Variants in RARB observed in about 807,000 individuals in gnomAD.
The protein encoded by RARB is retinoic acid receptor beta.
A neutral mutation model predicts 51.9 loss-of-function variants in RARB; 17 were observed. That is an observed-to-expected ratio of 0.33 (90% CI 0.22 to 0.49). The LOEUF is 0.49. RARB is among the 20% of genes least tolerant of loss of function. The probability of loss-of-function intolerance (pLI) is 0.99; values close to 1 mark genes in which losing one functional copy is unlikely to be tolerated. For synonymous variants in RARB, 215 were observed against 195.4 expected (o/e 1.10, Z -0.84); for missense variants, 369 against 550.8 (o/e 0.67, Z 3.30).
intron 2 of RARB, among the ~76,000 whole-genome samples, chr3:24,942,463 G>T (rs945459873): frequency 6.6e-6 from 1 of 152,170 alleles, no homozygotes; most frequent in African/African-American, 2.4e-5. Context: ...TCGGTGTTAA[G>T]AGTCAACAAG....
intron 5 of RARB, among the ~76,000 whole-genome samples, chr3:25,202,840 GTGC>G (rs1290767452): frequency 3.9e-5 from 6 of 152,204 alleles, no homozygotes; most frequent in Non-Finnish European, 2.9e-5. Context: ...TTGCTGAGGA[GTGC>G]TTTCCTTCCA....
At chr3:25,292,909 G>C (rs951911255) in intron 5 of RARB, among the ~76,000 whole-genome samples, 1 of 152,194 alleles carries the variant, frequency 6.6e-6, no homozygotes, top group Non-Finnish European at 1.5e-5. Flanking sequence ...TTTGGGGTCT[G>C]TGAAACTGAA....
chr3:25,215,971 G>T (rs567124250), intron 5 of RARB, among the ~76,000 whole-genome samples: 1 of 152,296 alleles, frequency 6.6e-6, no homozygotes, highest in Non-Finnish European at 1.5e-5. Flanking sequence ...GGTTTTAAAA[G>T]AAATTCTTCC....
At chr3:24,948,524 C>G (rs570602251) in intron 2 of RARB, among the ~76,000 whole-genome samples, 50 of 152,162 alleles carry the variant, frequency 3.3e-4, no homozygotes, top group Non-Finnish European at 6.3e-4. Context: ...GACTGAAAGA[C>G]AATTGAAGAG....
intron 5 of RARB, among the ~76,000 whole-genome samples, chr3:25,584,603 T>TGAGTGTGCCTGGAAGG (rs1401884083): frequency 6.6e-6 from 1 of 151,916 alleles, no homozygotes; most frequent in African/African-American, 2.4e-5. Flanking sequence ...TTGGAGGAAG[T>TGAGTGTGCCTGGAAGG]GAGTGTGCCT....
At chr3:25,215,905 C>G (rs1300706849) in intron 5 of RARB, among the ~76,000 whole-genome samples, 1 of 152,156 alleles carries the variant, frequency 6.6e-6, no homozygotes, top group Non-Finnish European at 1.5e-5. Flanking sequence ...TCATACCAAA[C>G]TGAAACTGGC....
rs996481903 is a variant in RARB at position 25,428,384 on chromosome 3, T to C, written c.-348T>C. The C allele has an allele frequency of 1.6e-5, 20 of 1,249,966 alleles. No individual in the cohort carries two copies. The highest frequency in any genetic ancestry group is 1.9e-5 in the Non-Finnish European group (19 of 998,554). 77.4% of individuals were successfully genotyped at this position (1,249,966 alleles called of 1,614,324 possible). ...ACTGGGATGCCGAGAACGCGAGCGATCCGAGCAGGGTTTGTCTGGGCACCG... is the reference window on the plus strand; with the variant it reads ...ACTGGGATGCCGAGAACGCGAGCGACCCGAGCAGGGTTTGTCTGGGCACCG... On this transcript the variant is annotated 5_prime_UTR_variant, in exon 1 of 8. Transcript: ENST00000330688.
At chr3:24,841,396 T>C (rs562804069) in intron 1 of RARB, among the ~76,000 whole-genome samples, 67 of 152,354 alleles carry the variant, frequency 4.4e-4, no homozygotes, top group Middle Eastern at 3.4e-3. Flanking sequence ...GCTGCTTAGA[T>C]GTAACCATTA....
At chr3:25,166,570 A>G (rs1700565118) in intron 4 of RARB, among the ~76,000 whole-genome samples, 1 of 152,192 alleles carries the variant, frequency 6.6e-6, no homozygotes, top group African/African-American at 2.4e-5. Context: ...GTTGTACTCT[A>G]TCACAAGACA....
At chr3:25,340,855 T>G (rs1356125228) in intron 5 of RARB, among the ~76,000 whole-genome samples, 1 of 152,176 alleles carries the variant, frequency 6.6e-6, no homozygotes, top group African/African-American at 2.4e-5. Context: ...CAGCAAATAA[T>G]TATGAGGAAT....
At chr3:25,007,178 A>G (rs1697290440) in intron 2 of RARB, among the ~76,000 whole-genome samples, 1 of 152,238 alleles carries the variant, frequency 6.6e-6, no homozygotes, top group Non-Finnish European at 1.5e-5. Context: ...GAAAAAGGCC[A>G]GGGAGCCTGC....
At chr3:24,983,847 T>C (rs1696730056) in intron 2 of RARB, among the ~76,000 whole-genome samples, 2 of 152,064 alleles carry the variant, frequency 1.3e-5, no homozygotes, top group African/African-American at 4.8e-5. Context: ...TAAGTATTAA[T>C]ATAAGATACT....
rs1701896521 is a variant in RARB, at chr3:25,597,474, A to AGTTT, written c.*859_*862dup. 6.6e-6 allele frequency: 1 copy of AGTTT among 152,604 alleles called. No individual in the cohort carries two copies. The highest frequency in any genetic ancestry group is 2.4e-5 in the African/African-American group (1 of 41,466). 9.5% of individuals were successfully genotyped at this position (152,604 alleles called of 1,614,324 possible). ...AAGGCAGAAACACTTTTCAGTGTTA[A>AGTTT]GTTTTTGTTTACTTGTTCACAAGCC... On this transcript the variant is annotated 3_prime_UTR_variant, in exon 8 of 8. Transcript: ENST00000330688.
chr3:25,176,595 C>T (rs1261140075), intron 5 of RARB, among the ~76,000 whole-genome samples: 1 of 151,302 alleles, frequency 6.6e-6, no homozygotes, highest in Non-Finnish European at 1.5e-5. Context: ...GTGGATTCAC[C>T]ATGTTGGCCA....
upstream of RARB, among the ~76,000 whole-genome samples, chr3:25,426,094 T>C (rs1169594767): frequency 1.3e-5 from 2 of 152,190 alleles, no homozygotes; most frequent in Non-Finnish European, 2.9e-5. Context: ...TAAATAAGCA[T>C]TTGGAGCCAT....
rs1242199696 is a variant in RARB, at chr3:25,282,087, T to A, written c.178+107512T>A. On this transcript the variant is annotated intron_variant, in intron 5 of 11. Transcript: ENST00000383772. ...TGCAAAGGCAATATATCAGCCCTAG[T>A]TTAGTAAAGGAAAGAGAGAACATTG... Among the ~76,000 whole-genome samples, 3 of 152,182 alleles carry A rather than the reference T, an allele frequency of 2.0e-5. No individual in the cohort carries two copies. The East Asian group carries it at 5.8e-4, about 29-fold the overall frequency.
chr3:25,483,719 G>A (rs1696338863), intron 2 of RARB, among the ~76,000 whole-genome samples: 1 of 151,844 alleles, frequency 6.6e-6, no homozygotes, highest in South Asian at 2.1e-4. Flanking sequence ...AAAACTTCTG[G>A]GTGCATAATG....
intron 1 of RARB, among the ~76,000 whole-genome samples, chr3:24,834,736 T>A (rs1702320407): frequency 6.6e-6 from 1 of 152,186 alleles, no homozygotes; most frequent in Non-Finnish European, 1.5e-5. Flanking sequence ...TTTCTAGGGA[T>A]AGAAGCAGTT....
At chr3:25,468,385 T>G (rs1174878211) in intron 2 of RARB, among the ~76,000 whole-genome samples, 1 of 149,510 alleles carries the variant, frequency 6.7e-6, no homozygotes, top group Non-Finnish European at 1.5e-5. Context: ...TTTTTTTTTT[T>G]TTTTTTTTTT....
Sources: allele counts gnomAD v4.1 joint callset (sites outside exome capture counted in the v4.1 genomes callset), GRCh38; gene constraint gnomAD v4.1.1; transcripts MANE v1.5; gene names NCBI Gene and HGNC (gene_info 2026-07-23, HGNC 2026-07-21).